NIBAN1: variants seen among roughly 807,000 people sequenced by gnomAD.
NIBAN1 encodes the protein niban apoptosis regulator 1, also known as protein Niban 1.
NIBAN1 carries 81 observed loss-of-function variants against 75.1 expected under a neutral mutation model. The observed-to-expected ratio is 1.08, with a 90% confidence interval of 0.90 to 1.30. The LOEUF (loss-of-function observed/expected upper bound fraction) is 1.30, where lower values mean the gene tolerates loss of function less well. Ranked by LOEUF, NIBAN1 falls within the 50% of genes most tolerant of loss-of-function variation. The pLI is 0.00. For synonymous variants in NIBAN1, 436 were observed against 424.8 expected, an observed-to-expected ratio of 1.03 and a Z score of -0.32; for missense variants, 1,133 against 1,128.1, an observed-to-expected ratio of 1.00 and a Z score of -0.06.
At chr1:184,934,111 A>G (rs896875524) in intron 1 of NIBAN1, among the ~76,000 whole-genome samples, 1 of 152,270 alleles carries the variant, frequency 6.6e-6, no homozygotes, top group South Asian at 2.1e-4. Context: ...AATGTGGTAC[A>G]TATACACTAT....
At chr1:184,947,073 C>A (rs1220951601) in intron 1 of NIBAN1, among the ~76,000 whole-genome samples, 4 of 147,776 alleles carry the variant, frequency 2.7e-5, no homozygotes, top group African/African-American at 5.1e-5. Context: ...AACTCCATCT[C>A]AAAAAGAAAA....
intron 9 of NIBAN1, among the ~76,000 whole-genome samples, chr1:184,815,372 T>C (rs1382255088): frequency 6.6e-6 from 1 of 152,196 alleles, no homozygotes; most frequent in Non-Finnish European, 1.5e-5. Context: ...CTTTGGAGAC[T>C]TGAACTTTGG....
In NIBAN1 at chr1:184,913,226, A is replaced by G. The variant is rs1337701042; in HGVS notation, c.56-13917T>C. Among the ~76,000 whole-genome samples, 4 of 149,738 alleles carry G rather than the reference A, an allele frequency of 2.7e-5. No individual in the cohort carries two copies. The East Asian group carries it at 8.1e-4, about 30-fold the overall frequency. On this transcript the variant is annotated intron_variant, in intron 1 of 13. Coordinates refer to ENST00000367511, the MANE Select transcript of NIBAN1 (RefSeq NM_052966.4). ...AAAAATTTGTAGACATGAAAATGCTAAGTCAAAGAGGAAATGCATTTGTAA... is the reference window on the plus strand; with the variant it reads ...AAAAATTTGTAGACATGAAAATGCTGAGTCAAAGAGGAAATGCATTTGTAA...
At position 184,804,405 on chromosome 1, in the gene NIBAN1, G is replaced by T. The variant is rs117928645; in HGVS notation, c.1447-713C>A. ...ACCAAAGGCTGCCACGTGGAAGAAG[G>T]TTATGAATGAAGGGGGTAGAACTGG... On this transcript the variant is annotated intron_variant, in intron 11 of 13. Transcript: ENST00000367511. Among the ~76,000 whole-genome samples, 1,356 of 152,332 alleles carry T rather than the reference G, an allele frequency of 8.9e-3. 18 individuals are homozygous for T. Among genetic ancestry groups the T allele is most frequent in the East Asian group, 0.056 (289 of 5,182 alleles).
In NIBAN1 at chr1:184,803,606, T is replaced by C. The variant is rs1654106886; in HGVS notation, c.1533A>G (p.Ala511=). The change falls in exon 12 of 14, where the codon GCA becomes GCG. Residue 511 remains alanine, a synonymous_variant. Coordinates refer to ENST00000367511, the MANE Select transcript of NIBAN1 (RefSeq NM_052966.4). ...VQITLPTVQK[A]LASTCKPELQ... is the part of the protein sequence containing the mutation. ...TTACTGGTTTGCATGTGGACGCCAG[T>C]GCCTTCTGCACAGTGGGAAGTGTGA... 4 of 1,614,168 alleles carry C rather than the reference T, an allele frequency of 2.5e-6. No homozygotes were observed. The highest frequency in any genetic ancestry group is 3.4e-6 in the Non-Finnish European group (4 of 1,179,976).
intron 5 of NIBAN1, among the ~76,000 whole-genome samples, chr1:184,881,171 A>T (rs572842544): frequency 6.6e-6 from 1 of 152,260 alleles, no homozygotes; most frequent in South Asian, 2.1e-4. Flanking sequence ...TGAGGCTCCT[A>T]AAGGCTGCTC....
In NIBAN1 at chr1:184,794,314, A is replaced by C. The variant is rs922691420; in HGVS notation, c.*663T>G. 4 of 153,298 alleles carry C rather than the reference A, an allele frequency of 2.6e-5. No homozygotes were observed. The highest frequency in any genetic ancestry group is 7.2e-5 in the African/African-American group (3 of 41,462). 9.5% of individuals were successfully genotyped at this position (153,298 alleles called of 1,614,324 possible). On this transcript the variant is annotated 3_prime_UTR_variant, in exon 14 of 14. Coordinates refer to ENST00000367511, the MANE Select transcript of NIBAN1 (RefSeq NM_052966.4). ...CTGCAAATGTGATTAATTAATAAGA[A>C]TCATCAAGATTAATTAATAAGAAAT...
chr1:184,801,818 C>A (rs1389511832), intron 12 of NIBAN1, among the ~76,000 whole-genome samples: 1 of 152,222 alleles, frequency 6.6e-6, no homozygotes, highest in Non-Finnish European at 1.5e-5. Flanking sequence ...TTTCAACCAG[C>A]TAAATAATTC....
intron 1 of NIBAN1, among the ~76,000 whole-genome samples, chr1:184,918,516 C>T (rs1173786582): frequency 6.6e-6 from 1 of 152,154 alleles, no homozygotes; most frequent in African/African-American, 2.4e-5. Flanking sequence ...GGCTATGGCA[C>T]GTTCCCCACA....
chr1:184,842,020 T>C (rs1350181541), intron 5 of NIBAN1, among the ~76,000 whole-genome samples: 1 of 151,984 alleles, frequency 6.6e-6, no homozygotes, highest in Non-Finnish European at 1.5e-5. Flanking sequence ...ACTTATTAAG[T>C]GTTCAAAGAA....
chr1:184,962,879 T>G (rs541628585), intron 1 of NIBAN1, among the ~76,000 whole-genome samples: 2 of 151,976 alleles, frequency 1.3e-5, no homozygotes, highest in East Asian at 1.9e-4. Context: ...AAAAATAATG[T>G]TTTTTTCCTG....
rs774812381 is a variant in NIBAN1, at chr1:184,794,274, C to T, written c.*703G>A. On this transcript the variant is annotated 3_prime_UTR_variant, in exon 14 of 14. Transcript: ENST00000367511. ...TACCCAGGCCAATAAAATTTTCTTG[C>T]CTCATCTGAATTTCCTGCAAATGTG... is the stretch of plus-strand genomic sequence containing the variant. 2 of 153,132 alleles carry T rather than the reference C, an allele frequency of 1.3e-5. No individual in the cohort carries two copies. Among genetic ancestry groups the T allele is most frequent in the Non-Finnish European group, 2.9e-5 (2 of 68,858 alleles). 9.5% of individuals were successfully genotyped at this position (153,132 alleles called of 1,614,324 possible). A position where few individuals can be genotyped will look rare whatever the true frequency, so the allele number is the denominator to read the frequency against.
chr1:184,825,564 T>C (rs1654821251), intron 6 of NIBAN1, among the ~76,000 whole-genome samples: 1 of 152,200 alleles, frequency 6.6e-6, no homozygotes, highest in Non-Finnish European at 1.5e-5. Flanking sequence ...GGAGGGAGTG[T>C]CTAAATTTTT....
At chr1:184,933,081 A>G (rs1657867910) in intron 1 of NIBAN1, among the ~76,000 whole-genome samples, 1 of 152,296 alleles carries the variant, frequency 6.6e-6, no homozygotes, top group Non-Finnish European at 1.5e-5. Context: ...AGCACTTTCA[A>G]TACTCACAGA....
At chr1:184,910,760 G>A (rs1194147264) in intron 1 of NIBAN1, among the ~76,000 whole-genome samples, 4 of 152,140 alleles carry the variant, frequency 2.6e-5, no homozygotes, top group East Asian at 1.9e-4. Flanking sequence ...ACTTTTGAAC[G>A]GGTGGACTGA....
At chr1:184,845,565 T>G (rs968476004) in intron 5 of NIBAN1, among the ~76,000 whole-genome samples, 8 of 152,168 alleles carry the variant, frequency 5.3e-5, no homozygotes, top group Admixed American at 4.6e-4. Context: ...AAGACTAGCT[T>G]GGGCAACATA....
chr1:184,798,295 G>A, intron 12 of NIBAN1, 105 bp from the exon 13 acceptor site: 1 of 651,818 alleles, frequency 1.5e-6, no homozygotes, highest in South Asian at 2.2e-5. Flanking sequence ...CTTCTTGGAG[G>A]GCATAAGAGA....
intron 1 of NIBAN1, among the ~76,000 whole-genome samples, chr1:184,930,291 G>A (rs907163855): frequency 2.0e-5 from 3 of 152,164 alleles, no homozygotes; most frequent in African/African-American, 7.2e-5. Flanking sequence ...TTAAACTCTA[G>A]GTACACAGCT....
intron 1 of NIBAN1, among the ~76,000 whole-genome samples, chr1:184,918,499 A>G (rs1657450137): frequency 1.3e-5 from 2 of 152,178 alleles, no homozygotes; most frequent in African/African-American, 4.8e-5. Context: ...AGAGCGTTGT[A>G]TATGCTGGCT....
Sources: gnomAD v4.1 joint callset for allele counts (sites outside exome capture counted in the v4.1 genomes callset) on GRCh38, gnomAD v4.1.1 for gene constraint, MANE v1.5 for transcripts, NCBI Gene and HGNC (gene_info 2026-07-23, HGNC 2026-07-21) for gene names.